GRM5: variants seen among roughly 807,000 people sequenced by gnomAD.
The protein encoded by GRM5 is glutamate metabotropic receptor 5.
GRM5 carries 19 observed loss-of-function variants against 83.1 expected under a neutral mutation model. The observed-to-expected ratio is 0.23, with a 90% CI of 0.16 to 0.34. The LOEUF is 0.34. GRM5 is among the 10% of genes least tolerant of loss of function. GRM5 has a pLI of 1.00. For synonymous variants in GRM5, 675 were observed against 633.6 expected, an observed-to-expected ratio of 1.07 and a Z score of -0.98; for missense variants, 1,160 against 1,588.3, an observed-to-expected ratio of 0.73 and a Z score of 4.58.
At chr11:88,943,114 C>T (rs918655625) in intron 2 of GRM5, among the ~76,000 whole-genome samples, 1 of 152,016 alleles carries the variant, frequency 6.6e-6, no homozygotes, top group African/African-American at 2.4e-5. Context: ...TGAACTCTGC[C>T]TAACAGGGCT....
intron 2 of GRM5, among the ~76,000 whole-genome samples, chr11:88,888,141 T>C (rs185635408): frequency 3.9e-5 from 6 of 152,264 alleles, no homozygotes; most frequent in Admixed American, 3.9e-4. Context: ...ACCCTTCTCA[T>C]TGCAGGACCT....
intron 2 of GRM5, among the ~76,000 whole-genome samples, chr11:88,930,531 T>C (rs913444098): frequency 4.6e-5 from 7 of 152,132 alleles, no homozygotes; most frequent in African/African-American, 1.7e-4. Context: ...CCAACTTCTT[T>C]GTTTTTTTGA....
chr11:88,641,799 T>C (rs560014626), intron 4 of GRM5, among the ~76,000 whole-genome samples: 38 of 152,292 alleles, frequency 2.5e-4, no homozygotes, highest in African/African-American at 9.1e-4. Flanking sequence ...GCAGCTCTGC[T>C]CCTGTGGCTT....
At position 88,578,262 on chromosome 11, in the gene GRM5, A is replaced by C. The variant is rs188728337; in HGVS notation, c.1691-10270T>G. Among the ~76,000 whole-genome samples the C allele has an allele frequency of 2.7e-3, 417 of 152,246 alleles. 1 individual carries two copies. The highest frequency in any genetic ancestry group is 4.9e-3 in the Non-Finnish European group (336 of 67,972). ...GATAGGAGGAATTTATCTGCTTCAT[A>C]TTACTCATATAATATATCAATGCTT... On this transcript the variant is annotated intron_variant, in intron 7 of 9. Transcript: ENST00000305447.
intron 2 of GRM5, among the ~76,000 whole-genome samples, chr11:88,986,742 T>TTTTTTTTTTTTTTTTTTTTTTTTTC: frequency 6.7e-6 from 1 of 149,782 alleles, no homozygotes; most frequent in Non-Finnish European, 1.5e-5. Flanking sequence ...TTTTTTTTTT[T>TTTTTTTTTTTTTTTTTTTTTTTTTC]TTTTTGCACT....
At chr11:88,729,988 A>T (rs897773760) in intron 3 of GRM5, among the ~76,000 whole-genome samples, 15 of 152,232 alleles carry the variant, frequency 9.9e-5, no homozygotes, top group African/African-American at 3.4e-4. Flanking sequence ...TTCATGACTA[A>T]AACACCAAAA....
intron 2 of GRM5, among the ~76,000 whole-genome samples, chr11:88,881,804 A>G (rs1218451436): frequency 2.0e-5 from 3 of 152,218 alleles, no homozygotes; most frequent in African/African-American, 7.2e-5. Context: ...TGTTCTGTGA[A>G]AATTACAAAC....
At chr11:88,804,524 T>C (rs981928406) in intron 3 of GRM5, among the ~76,000 whole-genome samples, 3 of 151,562 alleles carry the variant, frequency 2.0e-5, no homozygotes, top group East Asian at 1.9e-4. Context: ...CATCACACTC[T>C]GGGGACTGTT....
intron 4 of GRM5, among the ~76,000 whole-genome samples, chr11:88,650,308 C>T (rs1324724942): frequency 6.6e-6 from 1 of 151,812 alleles, no homozygotes; most frequent in Non-Finnish European, 1.5e-5. Context: ...ATTTATATAG[C>T]TGACAAAGGA....
chr11:88,770,483 A>C (rs963227118), intron 3 of GRM5, among the ~76,000 whole-genome samples: 2 of 152,254 alleles, frequency 1.3e-5, no homozygotes, highest in Admixed American at 6.6e-5. Context: ...TCAATTTTTT[A>C]GTGAATCTAA....
At chr11:88,955,108 C>T (rs576893164) in intron 2 of GRM5, among the ~76,000 whole-genome samples, 1 of 152,080 alleles carries the variant, frequency 6.6e-6, no homozygotes, top group Non-Finnish European at 1.5e-5. Context: ...ACAAAGCCAA[C>T]AAGCAAGTAA....
At chr11:88,862,929 A>G (rs924475997) in intron 2 of GRM5, among the ~76,000 whole-genome samples, 2 of 152,170 alleles carry the variant, frequency 1.3e-5, no homozygotes, top group African/African-American at 4.8e-5. Context: ...GAAAAAAACA[A>G]CCCTATTAAA....
intron 2 of GRM5, among the ~76,000 whole-genome samples, chr11:88,917,273 G>T (rs1945611208): frequency 6.6e-6 from 1 of 152,212 alleles, no homozygotes; most frequent in Admixed American, 6.5e-5. Flanking sequence ...GACTTAAAGT[G>T]TTACTGGGCT....
At chr11:88,926,033 T>C (rs1945783108) in intron 2 of GRM5, among the ~76,000 whole-genome samples, 1 of 152,144 alleles carries the variant, frequency 6.6e-6, no homozygotes, top group African/African-American at 2.4e-5. Flanking sequence ...GCACATGAAA[T>C]CCAAATTCTG....
At chr11:88,732,528 A>C (rs1941829351) in intron 3 of GRM5, among the ~76,000 whole-genome samples, 1 of 152,052 alleles carries the variant, frequency 6.6e-6, no homozygotes. Context: ...AACAATAATA[A>C]ATTTGTAAAT....
At chr11:88,550,048 G>C (rs1419761443) in intron 8 of GRM5, among the ~76,000 whole-genome samples, 6 of 152,106 alleles carry the variant, frequency 3.9e-5, no homozygotes, top group African/African-American at 1.2e-4. Context: ...GTCAGAGCAA[G>C]TAAAATGTTA....
chr11:88,879,949 A>T (rs1425319428), intron 2 of GRM5, among the ~76,000 whole-genome samples: 1 of 152,098 alleles, frequency 6.6e-6, no homozygotes, highest in Non-Finnish European at 1.5e-5. Flanking sequence ...TATTATAGAG[A>T]AATAGATGCA....
At position 88,879,138 on chromosome 11, in the gene GRM5, G is replaced by A. The variant is rs548132097; in HGVS notation, c.662-28983C>T. Reference sequence around the variant, plus strand: ...ATTGTAAATAAAATATAAAATGTGAGGAAAAATTTTGTATAAATATTTAAC... The same window carrying A: ...ATTGTAAATAAAATATAAAATGTGAAGAAAAATTTTGTATAAATATTTAAC... On this transcript the variant is annotated intron_variant, in intron 2 of 9. Coordinates refer to ENST00000305447, the MANE Select transcript of GRM5 (RefSeq NM_001143831.3). 5.3e-5 allele frequency among the ~76,000 whole-genome samples: 8 copies of A among 151,880 alleles called. No homozygotes were observed. The South Asian group carries it at 1.7e-3, about 32-fold the overall frequency.
chr11:88,773,060 C>A (rs1281643361), intron 3 of GRM5, among the ~76,000 whole-genome samples: 1 of 152,148 alleles, frequency 6.6e-6, no homozygotes, highest in African/African-American at 2.4e-5. Context: ...ATTTACACTC[C>A]CACCAACAGT....
Sources: allele counts gnomAD v4.1 joint callset (sites outside exome capture counted in the v4.1 genomes callset), GRCh38; gene constraint gnomAD v4.1.1; transcripts MANE v1.5; gene names NCBI Gene and HGNC (gene_info 2026-07-23, HGNC 2026-07-21).